The following EDNRB variants were observed in gnomAD, a reference collection of about 807,000 sequenced individuals.
EDNRB encodes endothelin receptor type B, also known as Hirschsprung disease 2.
EDNRB carries 18 observed loss-of-function variants against 46.4 expected under a neutral mutation model. The observed-to-expected ratio is 0.39, with a 90% CI of 0.27 to 0.57. The LOEUF is 0.57. Among genes scored for constraint, EDNRB ranks in the 20% least tolerant of loss-of-function variants. EDNRB has a pLI of 0.61. For missense variants in EDNRB, 434 were observed against 537.5 expected (o/e 0.81, Z 1.90); for synonymous variants, 213 against 204.9 (o/e 1.04, Z -0.34).
intron 1 of EDNRB, among the ~76,000 whole-genome samples, chr13:77,946,329 G>A (rs1327301274): frequency 6.6e-6 from 1 of 152,164 alleles, no homozygotes; most frequent in African/African-American, 2.4e-5. Flanking sequence ...GGGGAAAAGG[G>A]TACAGAGGAG....
Position 77,898,053 on chromosome 13 carries a change from G to C in EDNRB, c.*147C>G. 6.9e-7 allele frequency: 1 copy of C among 1,459,224 alleles called. No homozygotes were observed. Among genetic ancestry groups the C allele is most frequent in the East Asian group, 2.5e-5 (1 of 39,330 alleles). 90.4% of individuals were successfully genotyped at this position (1,459,224 alleles called of 1,614,324 possible). ...AGCTCATAAAATGTCATATGTAGCT[G>C]TGAGTGTTAAAATAATTACACTTAA... On this transcript the variant is annotated 3_prime_UTR_variant, in exon 7 of 7. Coordinates refer to ENST00000646607, the MANE Select transcript of EDNRB (RefSeq NM_001122659.3).
At chr13:77,926,917 G>C (rs1880254798) in intron 1 of EDNRB, among the ~76,000 whole-genome samples, 1 of 152,208 alleles carries the variant, frequency 6.6e-6, no homozygotes, top group African/African-American at 2.4e-5. Flanking sequence ...AAGAGAAAAT[G>C]AGGAATATGC....
At chr13:77,959,451 C>G (rs1881338469) in intron 1 of EDNRB, among the ~76,000 whole-genome samples, 2 of 152,200 alleles carry the variant, frequency 1.3e-5, no homozygotes. Flanking sequence ...GGACTTCCAG[C>G]AAACTCCAAC....
chr13:77,952,032 A>G (rs1399137522), intron 1 of EDNRB, among the ~76,000 whole-genome samples: 2 of 152,110 alleles, frequency 1.3e-5, no homozygotes, highest in Non-Finnish European at 2.9e-5. Flanking sequence ...CCCCACTGCA[A>G]TCCCTTCATG....
At chr13:77,927,355 G>A (rs1455048515) in intron 1 of EDNRB, among the ~76,000 whole-genome samples, 2 of 152,134 alleles carry the variant, frequency 1.3e-5, no homozygotes, top group Non-Finnish European at 2.9e-5. Context: ...CAGTGACTGG[G>A]CTTGCCTGAA....
intron 1 of EDNRB, among the ~76,000 whole-genome samples, chr13:77,963,146 C>T (rs1329021722): frequency 5.3e-5 from 8 of 152,186 alleles, no homozygotes; most frequent in African/African-American, 1.9e-4. Flanking sequence ...GAAGAACATT[C>T]CATGCTCATG....
At chr13:77,900,432 AGTCT>A in intron 5 of EDNRB, 85 bp downstream of exon 5, 4 of 1,574,762 alleles carry the variant, frequency 2.5e-6, no homozygotes, top group South Asian at 1.1e-5. Flanking sequence ...GAAAAATGGT[AGTCT>A]GTCTTTCTGC....
At chr13:77,949,009 G>A (rs578195653) in intron 1 of EDNRB, among the ~76,000 whole-genome samples, 2 of 152,304 alleles carry the variant, frequency 1.3e-5, no homozygotes, top group Non-Finnish European at 2.9e-5. Flanking sequence ...GTAAGATAAT[G>A]TCTACACATC....
In EDNRB at chr13:77,896,587, T is replaced by G. The variant is rs1410713386; in HGVS notation, c.*1613A>C. The G allele has an allele frequency of 6.5e-7, 1 of 1,545,232 alleles. No homozygotes were observed. The highest frequency in any genetic ancestry group is 8.7e-7 in the Non-Finnish European group (1 of 1,144,464). Reference sequence around the variant, plus strand: ...TTAAAAGAAAAACAAAGTAAAAATTTGGGCATATTTTAAGACCGAGTTAAA... The same window carrying G: ...TTAAAAGAAAAACAAAGTAAAAATTGGGGCATATTTTAAGACCGAGTTAAA... On this transcript the variant is annotated 3_prime_UTR_variant, in exon 7 of 7. Coordinates refer to ENST00000646607, the MANE Select transcript of EDNRB (RefSeq NM_001122659.3).
intron 1 of EDNRB, among the ~76,000 whole-genome samples, chr13:77,974,731 G>C (rs1359940712): frequency 2.0e-5 from 3 of 151,942 alleles, no homozygotes; most frequent in Non-Finnish European, 4.4e-5. Context: ...AACTGGTCTG[G>C]GTGCCCTGGC....
chr13:77,969,274 A>G lies in EDNRB; in HGVS notation c.-52+6073T>C, dbSNP rs562622549. Among the ~76,000 whole-genome samples, 62 of 152,352 alleles carry G rather than the reference A, an allele frequency of 4.1e-4. 1 individual carries two copies. The highest frequency in any genetic ancestry group is 1.6e-4 in the Non-Finnish European group (11 of 68,030). On this transcript the variant is annotated intron_variant, in intron 1 of 7. Transcript: ENST00000646948. ...AAAAGTTAATTCTGTAACCAGGTCTATGGTTGAACTGTAAAGTTAGAAATT... is the reference window on the plus strand; with the variant it reads ...AAAAGTTAATTCTGTAACCAGGTCTGTGGTTGAACTGTAAAGTTAGAAATT...
chr13:77,969,249 A>G (rs189482051), intron 1 of EDNRB, among the ~76,000 whole-genome samples: 21 of 152,328 alleles, frequency 1.4e-4, no homozygotes, highest in African/African-American at 5.1e-4. Flanking sequence ...TGTTCATTTT[A>G]AAAGTTAATT....
chr13:77,929,938 T>A (rs561087214), intron 1 of EDNRB, among the ~76,000 whole-genome samples: 1 of 152,334 alleles, frequency 6.6e-6, no homozygotes, highest in South Asian at 2.1e-4. Flanking sequence ...AGAGATCATT[T>A]TTACTAATAT....
chr13:77,974,359 T>A (rs1211334985), intron 1 of EDNRB, among the ~76,000 whole-genome samples: 1 of 152,202 alleles, frequency 6.6e-6, no homozygotes, highest in Non-Finnish European at 1.5e-5. Flanking sequence ...TGCTACAGAT[T>A]GAATGCATTT....
chr13:77,952,856 G>A (rs1045080979), intron 1 of EDNRB, among the ~76,000 whole-genome samples: 1 of 152,096 alleles, frequency 6.6e-6, no homozygotes, highest in African/African-American at 2.4e-5. Flanking sequence ...TGGAGGCCTT[G>A]ACCCCAGGCA....
intron 1 of EDNRB, among the ~76,000 whole-genome samples, chr13:77,908,038 A>AG (rs1879371895): frequency 2.9e-5 from 2 of 69,486 alleles, no homozygotes; most frequent in African/African-American, 1.1e-4. Context: ...AAAAAAAAAA[A>AG]AAAAAAGAGA....
chr13:77,923,473 T>G (rs1251034316), upstream of EDNRB, among the ~76,000 whole-genome samples: 1 of 152,238 alleles, frequency 6.6e-6, no homozygotes, highest in Non-Finnish European at 1.5e-5. Flanking sequence ...CTGTATTTAT[T>G]AAATTATTCT....
chr13:77,938,350 C>T (rs997935498), intron 1 of EDNRB, among the ~76,000 whole-genome samples: 13 of 148,316 alleles, frequency 8.8e-5, no homozygotes, highest in South Asian at 4.3e-4. Context: ...GATAAGAGGT[C>T]GGGGTATGGA....
chr13:77,934,539 C>T (rs1880499651), intron 1 of EDNRB, among the ~76,000 whole-genome samples: 1 of 152,090 alleles, frequency 6.6e-6, no homozygotes, highest in South Asian at 2.1e-4. Context: ...TTCTCAGACC[C>T]TGTGGAAAGG....
Sources: gnomAD v4.1 joint callset for allele counts (sites outside exome capture counted in the v4.1 genomes callset) on GRCh38, gnomAD v4.1.1 for gene constraint, MANE v1.5 for transcripts, NCBI Gene and HGNC (gene_info 2026-07-23, HGNC 2026-07-21) for gene names.